Variants in PTCHD4 observed in about 807,000 individuals in gnomAD.
PTCHD4 encodes the protein patched domain-containing protein 4.
PTCHD4 carries 33 observed loss-of-function variants against 58.1 expected under a neutral mutation model. That is an observed-to-expected ratio of 0.57 (90% CI 0.43 to 0.76). The LOEUF (loss-of-function observed/expected upper bound fraction) is 0.76, where lower values mean the gene tolerates loss of function less well. PTCHD4 is among the 30% of genes least tolerant of loss of function. PTCHD4 has a pLI of 0.00. For missense variants in PTCHD4, 1,058 were observed against 1,027.1 expected, an observed-to-expected ratio of 1.03 and a Z score of -0.41; for synonymous variants, 478 against 409.6, an observed-to-expected ratio of 1.17 and a Z score of -2.02.
intron 3 of PTCHD4, among the ~76,000 whole-genome samples, chr6:48,054,722 T>C (rs1475710236): frequency 2.0e-5 from 3 of 152,018 alleles, no homozygotes; most frequent in Non-Finnish European, 4.4e-5. Context: ...AAAATAAAAA[T>C]AAATAGGATA....
Position 48,068,570 on chromosome 6 carries a change from G to C in PTCHD4, c.77C>G (p.Ser26Trp), listed in dbSNP as rs1169879003. ...LRQVLRRGLQ[S>W]FCHRLGLCVS... Reference sequence around the variant, plus strand: ...GCACAAACCCAGCCTGTGGCAGAACGACTGGAGCCCTCTGCGAAGCACCTG... The same window carrying C: ...GCACAAACCCAGCCTGTGGCAGAACCACTGGAGCCCTCTGCGAAGCACCTG... The change falls in exon 3 of 5, where the codon TCG (serine) becomes TGG (tryptophan). Residue 26 changes from serine to tryptophan, a missense_variant. By Grantham distance (177) the Ser-to-Trp change is radical. Transcript: ENST00000339488. This position sits in a 1 kb window ranked among gnomAD's most constrained non-coding sequence, Gnocchi z 4.2. The C allele has an allele frequency of 3.2e-6, 5 of 1,583,590 alleles. No individual in the cohort carries two copies. Among genetic ancestry groups the C allele is most frequent in the Non-Finnish European group, 4.3e-6 (5 of 1,169,284 alleles).
intron 1 of PTCHD4, among the ~76,000 whole-genome samples, chr6:48,094,604 G>A (rs1472236526): frequency 6.6e-6 from 1 of 152,162 alleles, no homozygotes; most frequent in Admixed American, 6.5e-5. Flanking sequence ...CTTGAGGATA[G>A]CTTTTCAAAT....
At chr6:47,994,239 T>C (rs976594502) in intron 4 of PTCHD4, among the ~76,000 whole-genome samples, 4 of 152,156 alleles carry the variant, frequency 2.6e-5, no homozygotes, top group African/African-American at 9.7e-5. Flanking sequence ...GAAGAAAATA[T>C]GGTGGCAATG....
In PTCHD4 at chr6:47,863,076, G is replaced by A. The variant is rs922020348; in HGVS notation, c.*15227C>T. Among the ~76,000 whole-genome samples, 2 of 151,646 alleles carry A rather than the reference G, an allele frequency of 1.3e-5. No homozygotes were observed. Among genetic ancestry groups the A allele is most frequent in the South Asian group, 4.1e-4 (2 of 4,826 alleles). On this transcript the variant is annotated 3_prime_UTR_variant, in exon 5 of 5. Coordinates refer to ENST00000339488, the MANE Select transcript of PTCHD4 (RefSeq NM_001384253.1). ...AACAAAAAGATCTTCAAATTCTCTG[G>A]GCATTCATTGTACTTAACTTTTTAC...
intron 3 of PTCHD4, among the ~76,000 whole-genome samples, chr6:48,010,819 C>A (rs1203490726): frequency 1.3e-5 from 2 of 152,096 alleles, no homozygotes; most frequent in Non-Finnish European, 2.9e-5. Flanking sequence ...TGTTGTTCAA[C>A]TCCCACTTTT....
chr6:48,090,198 A>G (rs9473235), intron 1 of PTCHD4, among the ~76,000 whole-genome samples: 23,869 of 152,140 alleles, frequency 0.16, 1,923 homozygotes, highest in African/African-American at 0.2. Flanking sequence ...TAATTATGAA[A>G]AATATTAAGT....
intron 4 of PTCHD4, among the ~76,000 whole-genome samples, chr6:47,989,976 C>G (rs79941789): frequency 0.15 from 22,426 of 152,200 alleles, 1,898 homozygotes; most frequent in South Asian, 0.25. Flanking sequence ...GAGGGGGACT[C>G]TACCCTGCAA....
intron 1 of PTCHD4, among the ~76,000 whole-genome samples, chr6:48,093,931 T>C (rs1765413336): frequency 6.6e-6 from 1 of 152,158 alleles, no homozygotes; most frequent in African/African-American, 2.4e-5. Context: ...TTCAAAGCTG[T>C]CATTTGAGAG....
At chr6:47,994,724 G>C (rs530959878) in intron 4 of PTCHD4, among the ~76,000 whole-genome samples, 1 of 152,302 alleles carries the variant, frequency 6.6e-6, no homozygotes, top group East Asian at 1.9e-4. Flanking sequence ...AAACCCATGG[G>C]TTTCCTTGGA....
chr6:47,880,526 G>GT (rs879284734), intron 4 of PTCHD4, among the ~76,000 whole-genome samples: 3 of 145,364 alleles, frequency 2.1e-5, no homozygotes, highest in African/African-American at 7.4e-5. Flanking sequence ...CCGGATGTGA[G>GT]TTTTTAAAAA....
At chr6:47,962,356 C>T (rs1767129548) in intron 4 of PTCHD4, among the ~76,000 whole-genome samples, 1 of 152,088 alleles carries the variant, frequency 6.6e-6, no homozygotes, top group Non-Finnish European at 1.5e-5. Context: ...CACAAGTCAA[C>T]CTGCAGAATG....
intron 3 of PTCHD4, among the ~76,000 whole-genome samples, chr6:48,031,637 C>T (rs965823052): frequency 3.9e-5 from 6 of 152,112 alleles, no homozygotes; most frequent in African/African-American, 9.6e-5. Flanking sequence ...AAAACACATT[C>T]GGGAAAATTC....
rs962750506 is a variant in PTCHD4, at chr6:47,863,486, T to C, written c.*14817A>G. 6.6e-6 allele frequency among the ~76,000 whole-genome samples: 1 copy of C among 151,934 alleles called. No individual in the cohort carries two copies. Among genetic ancestry groups the C allele is most frequent in the Non-Finnish European group, 1.5e-5 (1 of 67,916 alleles). On this transcript the variant is annotated 3_prime_UTR_variant, in exon 5 of 5. Transcript: ENST00000339488. ...TCTCCACCTGACACATACCCTACAT[T>C]CTTAGGGTTGTGAGATTTAGCAAGT... is the stretch of plus-strand genomic sequence containing the variant.
intron 4 of PTCHD4, among the ~76,000 whole-genome samples, chr6:47,944,396 T>C (rs186303836): frequency 6.7e-4 from 102 of 152,244 alleles, no homozygotes; most frequent in African/African-American, 2.4e-3. Flanking sequence ...ATTTATTAGA[T>C]TCTAGCAGGT....
At chr6:47,932,824 A>G (rs748478153) in intron 4 of PTCHD4, among the ~76,000 whole-genome samples, 2 of 152,216 alleles carry the variant, frequency 1.3e-5, no homozygotes, top group Non-Finnish European at 2.9e-5. Context: ...TGGACAAATT[A>G]CTTCATTTCC....
chr6:47,975,453 G>A (rs1029483612), intron 4 of PTCHD4, among the ~76,000 whole-genome samples: 1 of 152,038 alleles, frequency 6.6e-6, no homozygotes, highest in Non-Finnish European at 1.5e-5. Flanking sequence ...GAACGTGCAG[G>A]TCTGTTACAT....
rs936440170 is a variant in PTCHD4 at position 47,880,044 on chromosome 6, C to G, written c.899-108G>C. The G allele has an allele frequency of 4.6e-6, 4 of 876,224 alleles. No homozygotes were observed. The African/African-American group carries it at 6.8e-5, about 15-fold the overall frequency. 54.3% of individuals were successfully genotyped at this position (876,224 alleles called of 1,614,324 possible). A position where few individuals can be genotyped will look rare whatever the true frequency, so the allele number is the denominator to read the frequency against. Reference sequence around the variant, plus strand: ...AAATGGCACTTTATACTCTAATCTTCAAAGGGCTGTGATCCTCCTATCAGG... The same window carrying G: ...AAATGGCACTTTATACTCTAATCTTGAAAGGGCTGTGATCCTCCTATCAGG... On this transcript the variant is annotated intron_variant, in intron 4 of 4. Transcript: ENST00000339488.
chr6:48,090,074 T>C (rs1765335315), intron 1 of PTCHD4, among the ~76,000 whole-genome samples: 1 of 152,212 alleles, frequency 6.6e-6, no homozygotes, highest in Non-Finnish European at 1.5e-5. Flanking sequence ...ATATATTAGT[T>C]CTTAACATAA....
chr6:47,937,047 C>A (rs1766026540), intron 4 of PTCHD4, among the ~76,000 whole-genome samples: 1 of 152,146 alleles, frequency 6.6e-6, no homozygotes, highest in Admixed American at 6.5e-5. Flanking sequence ...GCAGAGTAAG[C>A]AACAGAAGGA....
Sources: gnomAD v4.1 joint callset for allele counts (sites outside exome capture counted in the v4.1 genomes callset) on GRCh38, gnomAD v4.1.1 for gene constraint, Gnocchi (gnomAD v3.1) non-coding constraint, MANE v1.5 for transcripts, NCBI Gene and HGNC (gene_info 2026-07-23, HGNC 2026-07-21) for gene names.